The following RBFOX1 variants were observed in gnomAD, a reference collection of about 807,000 sequenced individuals.
RBFOX1 encodes RNA binding fox-1 homolog 1.
In RBFOX1, 8 loss-of-function variants were observed where a neutral mutation model predicts 57.7. That is an observed-to-expected ratio of 0.14 (90% CI 0.08 to 0.25). The LOEUF (loss-of-function observed/expected upper bound fraction) is 0.25. Ranked by LOEUF, RBFOX1 falls within the 10% of genes least tolerant of loss-of-function variation. The pLI, the probability that RBFOX1 is intolerant of heterozygous loss-of-function variation, is 1.00. For synonymous variants in RBFOX1, 326 were observed against 222.4 expected, an observed-to-expected ratio of 1.47 and a Z score of -4.15; for missense variants, 611 against 548.5, an observed-to-expected ratio of 1.11 and a Z score of -1.14.
chr16:7,540,219 A>G (rs926635834), intron 5 of RBFOX1, among the ~76,000 whole-genome samples: 1 of 152,148 alleles, frequency 6.6e-6, no homozygotes, highest in African/African-American at 2.4e-5. Flanking sequence ...CCCTGCCTGT[A>G]CCATTTTGTT....
At chr16:5,388,147 C>T (rs1452326190) in intron 1 of RBFOX1, among the ~76,000 whole-genome samples, 1 of 152,142 alleles carries the variant, frequency 6.6e-6, no homozygotes. Context: ...TAAGATAGTA[C>T]ATTTGTGTTT....
intron 1 of RBFOX1, among the ~76,000 whole-genome samples, chr16:5,306,970 G>C (rs952112260): frequency 2.0e-5 from 3 of 152,088 alleles, no homozygotes; most frequent in Admixed American, 2.0e-4. Flanking sequence ...CCCATGGCAG[G>C]CATCTCAGCA....
chr16:7,152,857 G>C (rs533281370), intron 4 of RBFOX1, among the ~76,000 whole-genome samples: 1 of 152,258 alleles, frequency 6.6e-6, no homozygotes, highest in African/African-American at 2.4e-5. Flanking sequence ...CTTGCATGAA[G>C]GCACTTAATC....
intron 3 of RBFOX1, among the ~76,000 whole-genome samples, chr16:5,791,421 C>T (rs934372302): frequency 2.6e-5 from 4 of 152,260 alleles, no homozygotes; most frequent in East Asian, 1.9e-4. Context: ...TTAATTCTTA[C>T]AGCAATCCTA....
intron 3 of RBFOX1, among the ~76,000 whole-genome samples, chr16:5,808,609 T>C (rs994601980): frequency 2.0e-5 from 3 of 152,252 alleles, no homozygotes; most frequent in African/African-American, 7.2e-5. Flanking sequence ...CAGTGGTTTA[T>C]AGTTCTCCTT....
chr16:5,332,681 T>A (rs2064787695), intron 1 of RBFOX1, among the ~76,000 whole-genome samples: 2 of 151,734 alleles, frequency 1.3e-5, no homozygotes, highest in Non-Finnish European at 2.9e-5. Flanking sequence ...CATTTTATTT[T>A]CATTTTTCAC....
intron 4 of RBFOX1, among the ~76,000 whole-genome samples, chr16:7,183,470 C>G (rs1567606413): frequency 6.6e-6 from 1 of 152,156 alleles, no homozygotes; most frequent in African/African-American, 2.4e-5. Context: ...ATAGTGAAAC[C>G]TTCGTTGGGT....
At chr16:5,868,649 G>C (rs901706770) in intron 4 of RBFOX1, among the ~76,000 whole-genome samples, 2 of 152,198 alleles carry the variant, frequency 1.3e-5, no homozygotes, top group Non-Finnish European at 2.9e-5. Flanking sequence ...CATAGTGTGA[G>C]TGATTTCAGA....
chr16:6,758,567 A>C (rs186565006), intron 3 of RBFOX1, among the ~76,000 whole-genome samples: 1 of 152,144 alleles, frequency 6.6e-6, no homozygotes, highest in African/African-American at 2.4e-5. Context: ...CATGCTCTCT[A>C]AAACATCCCA....
chr16:7,371,568 G>C (rs548512936), intron 4 of RBFOX1, among the ~76,000 whole-genome samples: 154 of 152,228 alleles, frequency 1.0e-3, no homozygotes, highest in African/African-American at 3.6e-3. Context: ...TGGCCAACAT[G>C]GTGAAACCCT....
rs71147673 is a variant in RBFOX1, at chr16:7,223,712, G to GAAAAAAA, written c.27+171627_27+171633dup. Among the ~76,000 whole-genome samples, 64 of 130,250 alleles carry GAAAAAAA rather than the reference G, an allele frequency of 4.9e-4. 1 individual carries two copies. Among genetic ancestry groups the GAAAAAAA allele is most frequent in the Non-Finnish European group, 7.9e-4 (47 of 59,694 alleles). 85.4% of individuals were successfully genotyped at this position (130,250 alleles called of 152,430 possible). On this transcript the variant is annotated intron_variant, in intron 4 of 15. Coordinates refer to ENST00000550418, the MANE Select transcript of RBFOX1 (RefSeq NM_018723.4). ...CCCACTATATGCCGTCAGTGTTTCA[G>GAAAAAAA]AAAAAAAAAAAAAAAAAAAGAAAAA... is the stretch of plus-strand genomic sequence containing the variant.
At chr16:6,086,742 A>C (rs1166237148) in intron 1 of RBFOX1, among the ~76,000 whole-genome samples, 1 of 152,216 alleles carries the variant, frequency 6.6e-6, no homozygotes, top group Non-Finnish European at 1.5e-5. Flanking sequence ...AGCCTATTGC[A>C]TCACCTTGTA....
At chr16:6,204,988 T>C (rs2097244624) in intron 1 of RBFOX1, among the ~76,000 whole-genome samples, 2 of 152,184 alleles carry the variant, frequency 1.3e-5, no homozygotes, top group South Asian at 2.1e-4. Context: ...TAAAAGGAAT[T>C]TGCTTTGCCC....
At chr16:6,512,826 C>T (rs961278629) in intron 2 of RBFOX1, among the ~76,000 whole-genome samples, 5 of 152,112 alleles carry the variant, frequency 3.3e-5, no homozygotes, top group Non-Finnish European at 7.4e-5. Flanking sequence ...AAGCTTTGCT[C>T]TAGGTCAAAT....
intron 3 of RBFOX1, among the ~76,000 whole-genome samples, chr16:7,035,372 A>C (rs1252225804): frequency 6.6e-6 from 1 of 152,136 alleles, no homozygotes; most frequent in African/African-American, 2.4e-5. Flanking sequence ...ATCCCTCATG[A>C]TACGGATCAC....
At chr16:6,013,714 C>G (rs990934303) in intron 4 of RBFOX1, among the ~76,000 whole-genome samples, 1 of 152,126 alleles carries the variant, frequency 6.6e-6, no homozygotes, top group East Asian at 1.9e-4. Flanking sequence ...TTTATGGCTG[C>G]ATAGTATTCC....
Position 7,442,396 on chromosome 16 carries a change from G to C in RBFOX1, c.28-75751G>C, listed in dbSNP as rs2098775141. ...TTGGCAGACGTAAGGAGCAGCATTT[G>C]TCGAACTCTGGGCCCTGCAACTCTG... On this transcript the variant is annotated intron_variant, in intron 4 of 15. Coordinates refer to ENST00000550418, the MANE Select transcript of RBFOX1 (RefSeq NM_018723.4). Among the ~76,000 whole-genome samples, 3 of 152,128 alleles carry C rather than the reference G, an allele frequency of 2.0e-5. 1 individual carries two copies. In the South Asian group the frequency reaches 6.2e-4, roughly 32 times the overall value.
At chr16:5,903,763 T>C (rs1432834219) in intron 4 of RBFOX1, among the ~76,000 whole-genome samples, 1 of 152,162 alleles carries the variant, frequency 6.6e-6, no homozygotes. Flanking sequence ...CTATGAGAGC[T>C]AGGCTGACTT....
In RBFOX1 at chr16:5,673,623, T is replaced by C. The variant is rs549617258; in HGVS notation, c.318+74662T>C. Among the ~76,000 whole-genome samples, 25 of 152,370 alleles carry C rather than the reference T, an allele frequency of 1.6e-4. No homozygotes were observed. In the East Asian group the frequency reaches 4.6e-3, roughly 28 times the overall value. Reference sequence around the variant, plus strand: ...AACTATCTCCATTCAGTGAAGTTCATGTCTATCTTTGGGGGAAGCCCACAT... The same window carrying C: ...AACTATCTCCATTCAGTGAAGTTCACGTCTATCTTTGGGGGAAGCCCACAT... On this transcript the variant is annotated intron_variant, in intron 3 of 19. Coordinates refer to the RBFOX1 transcript ENST00000641259.
Sources: gnomAD v4.1 joint callset for allele counts (sites outside exome capture counted in the v4.1 genomes callset) on GRCh38, gnomAD v4.1.1 for gene constraint, MANE v1.5 for transcripts, NCBI Gene and HGNC (gene_info 2026-07-23, HGNC 2026-07-21) for gene names.